The following CCDC60 variants were observed in gnomAD, a reference collection of about 807,000 sequenced individuals.
The protein encoded by CCDC60 is coiled-coil domain-containing protein 60.
In CCDC60, 54 loss-of-function variants were observed where a neutral mutation model predicts 63.5. The ratio of observed to expected loss-of-function variants is 0.85; its 90% CI spans 0.68 to 1.07. CCDC60 has a LOEUF of 1.07. Ranked by LOEUF, CCDC60 falls within the 50% of genes least tolerant of loss-of-function variation. CCDC60 has a pLI of 0.00. For synonymous variants in CCDC60, 206 were observed against 238.8 expected, an observed-to-expected ratio of 0.86 and a Z score of 1.27; for missense variants, 651 against 684.3, an observed-to-expected ratio of 0.95 and a Z score of 0.54.
chr12:119,527,602 A>AT (rs1240390180), intron 11 of CCDC60, among the ~76,000 whole-genome samples: 1 of 147,950 alleles, frequency 6.8e-6, no homozygotes, highest in Non-Finnish European at 1.5e-5. Flanking sequence ...AAAGGCTGTG[A>AT]TAGCCCAGCT....
rs539409467 is a variant in CCDC60, at chr12:119,483,763, A to G, written c.449+4562A>G. Among the ~76,000 whole-genome samples, 382 of 152,302 alleles carry G rather than the reference A, an allele frequency of 2.5e-3. 2 individuals carry two copies. Among genetic ancestry groups the G allele is most frequent in the South Asian group, 4.1e-3 (20 of 4,824 alleles). On this transcript the variant is annotated intron_variant, in intron 4 of 13. Transcript: ENST00000327554. ...CTCGCCCGGAGTTCTGAGCTCAGGG[A>G]CTTCAGAAGCAGGCTTTGTGTAACC...
chr12:119,422,636 C>T (rs962506062), intron 1 of CCDC60, among the ~76,000 whole-genome samples: 5 of 152,134 alleles, frequency 3.3e-5, no homozygotes, highest in Admixed American at 3.3e-4. Flanking sequence ...ATGGTGTTAA[C>T]CCATGAGAAA....
intron 1 of CCDC60, among the ~76,000 whole-genome samples, chr12:119,362,311 A>G (rs1416658899): frequency 6.6e-6 from 1 of 152,184 alleles, no homozygotes; most frequent in Non-Finnish European, 1.5e-5. Flanking sequence ...AATTTTACAT[A>G]TCTATATACC....
intron 1 of CCDC60, among the ~76,000 whole-genome samples, chr12:119,374,614 T>C (rs1001713027): frequency 2.0e-5 from 3 of 152,004 alleles, no homozygotes; most frequent in Non-Finnish European, 2.9e-5. Flanking sequence ...GGCAAGTCCA[T>C]AGAGTAAAGT....
chr12:119,507,493 T>TAC (rs1952040366), intron 7 of CCDC60, among the ~76,000 whole-genome samples: 1 of 142,314 alleles, frequency 7.0e-6, no homozygotes, highest in Non-Finnish European at 1.5e-5. Context: ...TACACATATA[T>TAC]ACATATATAC....
At chr12:119,413,840 T>C (rs1051261560) in intron 1 of CCDC60, among the ~76,000 whole-genome samples, 1 of 152,122 alleles carries the variant, frequency 6.6e-6, no homozygotes, top group Admixed American at 6.5e-5. Context: ...TATGTGCCAG[T>C]GCGTAATGGG....
chr12:119,403,620 T>C (rs1290810368), intron 1 of CCDC60, among the ~76,000 whole-genome samples: 1 of 152,106 alleles, frequency 6.6e-6, no homozygotes, highest in East Asian at 1.9e-4. Context: ...CTGTGCCCTC[T>C]GCATAAAATC....
At chr12:119,528,811 T>TC (rs1339148439) in intron 12 of CCDC60, 65 bp downstream of exon 12, 1 of 1,515,560 alleles carries the variant, frequency 6.6e-7, no homozygotes, top group African/African-American at 1.4e-5. Context: ...TATTACAAGA[T>TC]CACTATTGAT....
intron 1 of CCDC60, among the ~76,000 whole-genome samples, chr12:119,395,717 G>C (rs914775132): frequency 6.6e-6 from 1 of 152,212 alleles, no homozygotes; most frequent in African/African-American, 2.4e-5. Context: ...TCACAAATGG[G>C]TGGCTCAAAA....
At chr12:119,381,822 TTTC>T (rs1956010295) in intron 1 of CCDC60, among the ~76,000 whole-genome samples, 1 of 152,118 alleles carries the variant, frequency 6.6e-6, no homozygotes, top group Non-Finnish European at 1.5e-5. Flanking sequence ...ATGAGAAGGA[TTTC>T]TTATCTCAGA....
intron 1 of CCDC60, among the ~76,000 whole-genome samples, chr12:119,413,222 G>T (rs1956637918): frequency 6.6e-6 from 1 of 152,190 alleles, no homozygotes; most frequent in Non-Finnish European, 1.5e-5. Flanking sequence ...TTGGCTGTTG[G>T]CATGCCAGCT....
At chr12:119,406,192 G>GAT (rs144346171) in intron 1 of CCDC60, among the ~76,000 whole-genome samples, 5 of 143,208 alleles carry the variant, frequency 3.5e-5, no homozygotes, top group South Asian at 2.2e-4. Flanking sequence ...TATATATATA[G>GAT]ATATATATAT....
At chr12:119,480,815 TCAC>T (rs1277335225) in intron 4 of CCDC60, among the ~76,000 whole-genome samples, 1 of 142,774 alleles carries the variant, frequency 7.0e-6, no homozygotes, top group Non-Finnish European at 1.5e-5. Context: ...ACCATCATCC[TCAC>T]CACCATCATC....
intron 4 of CCDC60, among the ~76,000 whole-genome samples, chr12:119,484,090 T>C (rs1247836192): frequency 2.0e-5 from 3 of 152,148 alleles, no homozygotes; most frequent in Non-Finnish European, 4.4e-5. Flanking sequence ...AGAGACAACA[T>C]CCACATTTTC....
chr12:119,360,751 T>C (rs1428291825), intron 1 of CCDC60, among the ~76,000 whole-genome samples: 3 of 152,124 alleles, frequency 2.0e-5, no homozygotes, highest in African/African-American at 7.2e-5. Flanking sequence ...GGGCAGAGGC[T>C]GCAATCTCGG....
At chr12:119,447,704 C>T (rs1302113732) in intron 2 of CCDC60, 1 of 152,200 alleles carries the variant, frequency 6.6e-6, no homozygotes, top group Non-Finnish European at 1.5e-5. Flanking sequence ...TGAAAACTGA[C>T]TGCTGAACAA....
rs991505506 is a variant in CCDC60 at position 119,524,653 on chromosome 12, C to T, written c.1229+835C>T. Reference sequence around the variant, plus strand: ...CAGCCTGAACACAAAAGGGATGCCCCACCTGGCCCAGGACAGCCCTCAGAA... The same window carrying T: ...CAGCCTGAACACAAAAGGGATGCCCTACCTGGCCCAGGACAGCCCTCAGAA... On this transcript the variant is annotated intron_variant, in intron 11 of 13. Coordinates refer to ENST00000327554, the MANE Select transcript of CCDC60 (RefSeq NM_178499.5). 3 of 156,598 alleles carry T rather than the reference C, an allele frequency of 1.9e-5. No individual in the cohort carries two copies. The Admixed American group carries it at 2.0e-4, about 10-fold the overall frequency. The allele number at this position is 156,598 out of a possible 1,614,324, so 9.7% of individuals were successfully genotyped here. A position where few individuals can be genotyped will look rare whatever the true frequency, so the allele number is the denominator to read the frequency against.
At chr12:119,453,324 G>A (rs1022913830) in intron 2 of CCDC60, among the ~76,000 whole-genome samples, 25 of 151,494 alleles carry the variant, frequency 1.7e-4, no homozygotes, top group Admixed American at 9.9e-4. Context: ...TTCTTCCATC[G>A]TCATTTTCTT....
rs542743458 is a variant in CCDC60 at position 119,455,248 on chromosome 12, T to C, written c.171-16746T>C. Among the ~76,000 whole-genome samples, 10 of 152,322 alleles carry C rather than the reference T, an allele frequency of 6.6e-5. No individual in the cohort carries two copies. In the South Asian group the frequency reaches 1.2e-3, roughly 19 times the overall value. On this transcript the variant is annotated intron_variant, in intron 2 of 13. Transcript: ENST00000327554. Reference sequence around the variant, plus strand: ...GGTAGGCAACTGGCACTTTCTGTCATTGGGAGCAATAGAGAGAAGTAGGGA... The same window carrying C: ...GGTAGGCAACTGGCACTTTCTGTCACTGGGAGCAATAGAGAGAAGTAGGGA...
Sources: gnomAD v4.1 joint callset for allele counts (sites outside exome capture counted in the v4.1 genomes callset) on GRCh38, gnomAD v4.1.1 for gene constraint, MANE v1.5 for transcripts, NCBI Gene and HGNC (gene_info 2026-07-23, HGNC 2026-07-21) for gene names.